Variants in TMEM263 observed in about 807,000 individuals in gnomAD.
TMEM263 encodes the protein UPF0444 transmembrane protein C12orf23.
A neutral mutation model predicts 8.6 loss-of-function variants in TMEM263; 5 were observed. That is an observed-to-expected ratio of 0.58 (90% CI 0.31 to 1.23). TMEM263 has a LOEUF of 1.23. TMEM263 is among the 50% of genes most tolerant of loss of function. TMEM263 has a pLI of 0.07. For missense variants in TMEM263, 104 were observed against 138.8 expected, an observed-to-expected ratio of 0.75 and a Z score of 1.26; for synonymous variants, 50 against 47.9, an observed-to-expected ratio of 1.04 and a Z score of -0.18.
chr12:106,962,817 T>C (rs548839857), intron 2 of TMEM263, among the ~76,000 whole-genome samples: 3 of 152,244 alleles, frequency 2.0e-5, no homozygotes, highest in African/African-American at 7.2e-5. Context: ...TGACATTAGA[T>C]TCTCCCTTTC....
chr12:106,960,579 C>T (rs898230889), intron 2 of TMEM263, among the ~76,000 whole-genome samples: 22 of 152,084 alleles, frequency 1.4e-4, no homozygotes, highest in African/African-American at 4.1e-4. Context: ...TACAGAAATA[C>T]TCCTAATTTT....
At chr12:106,966,717 A>G (rs1454133773) in intron 2 of TMEM263, among the ~76,000 whole-genome samples, 2 of 152,084 alleles carry the variant, frequency 1.3e-5, no homozygotes, top group East Asian at 1.9e-4. Flanking sequence ...CTTTAAGTCT[A>G]TTGTGAAATA....
Position 106,973,965 on chromosome 12 carries a change from A to G in TMEM263, c.*2574A>G, listed in dbSNP as rs1380532119. 6.6e-6 allele frequency: 1 copy of G among 152,526 alleles called. No homozygotes were observed. Among genetic ancestry groups the G allele is most frequent in the Non-Finnish European group, 1.5e-5 (1 of 68,046 alleles). 9.4% of individuals were successfully genotyped at this position (152,526 alleles called of 1,614,324 possible). A position where few individuals can be genotyped will look rare whatever the true frequency, so the allele number is the denominator to read the frequency against. On this transcript the variant is annotated 3_prime_UTR_variant, in exon 4 of 4. Coordinates refer to ENST00000280756, the MANE Select transcript of TMEM263 (RefSeq NM_152261.4). ...GAAAAGAACACATGAATTTGTTAATAAAGCACTATGATCTGCAAACGATGG... is the reference window on the plus strand; with the variant it reads ...GAAAAGAACACATGAATTTGTTAATGAAGCACTATGATCTGCAAACGATGG...
chr12:106,959,036 T>C (rs1951735279), intron 2 of TMEM263, among the ~76,000 whole-genome samples: 1 of 152,240 alleles, frequency 6.6e-6, no homozygotes, highest in African/African-American at 2.4e-5. Context: ...AAAAGTCTAT[T>C]CCCACTGGAT....
At chr12:106,969,584 G>A (rs1207122900) in intron 3 of TMEM263, among the ~76,000 whole-genome samples, 1 of 151,884 alleles carries the variant, frequency 6.6e-6, no homozygotes, top group Non-Finnish European at 1.5e-5. Context: ...AAATTAGCCG[G>A]GTGTGGTGGT....
Position 106,957,223 on chromosome 12 carries a change from C to T in TMEM263, c.-7+74C>T, listed in dbSNP as rs907058708. 17 of 907,304 alleles carry T rather than the reference C, an allele frequency of 1.9e-5. No individual in the cohort carries two copies. The African/African-American group carries it at 2.8e-4, about 15-fold the overall frequency. The allele number at this position is 907,304 out of a possible 1,614,324, so 56.2% of individuals were successfully genotyped here. A position where few individuals can be genotyped will look rare whatever the true frequency, so the allele number is the denominator to read the frequency against. Reference sequence around the variant, plus strand: ...GTGTGTGTGTGTGTATGTGTGTGCGCGCTCGCGCCCATGCTTAACTTTTTA... The same window carrying T: ...GTGTGTGTGTGTGTATGTGTGTGCGTGCTCGCGCCCATGCTTAACTTTTTA... On this transcript the variant is annotated intron_variant, in intron 2 of 3. Coordinates refer to ENST00000280756, the MANE Select transcript of TMEM263 (RefSeq NM_152261.4).
At chr12:106,958,893 G>A (rs1417157012) in intron 2 of TMEM263, among the ~76,000 whole-genome samples, 2 of 151,992 alleles carry the variant, frequency 1.3e-5, no homozygotes, top group African/African-American at 4.8e-5. Context: ...TTACAGGCAT[G>A]AGCCAACATG....
chr12:106,963,111 G>A lies in TMEM263; in HGVS notation c.-6-4000G>A, dbSNP rs190740314. Among the ~76,000 whole-genome samples the A allele has an allele frequency of 3.4e-4, 52 of 152,306 alleles. 1 individual carries two copies. The highest frequency in any genetic ancestry group is 3.4e-3 in the Middle Eastern group (1 of 294). ...GTACATATACTGGGGAAAAGGCTTC[G>A]AGGAAAGGATAAACAAGGAACTCTG... is the stretch of plus-strand genomic sequence containing the variant. On this transcript the variant is annotated intron_variant, in intron 2 of 3. Coordinates refer to ENST00000280756, the MANE Select transcript of TMEM263 (RefSeq NM_152261.4).
At chr12:106,958,862 C>T (rs1593461888) in intron 2 of TMEM263, among the ~76,000 whole-genome samples, 1 of 152,208 alleles carries the variant, frequency 6.6e-6, no homozygotes, top group East Asian at 1.9e-4. Flanking sequence ...CCTCCTGCCT[C>T]GACCTTTCAA....
chr12:106,970,784 A>T (rs1951909320), intron 3 of TMEM263, among the ~76,000 whole-genome samples: 1 of 152,190 alleles, frequency 6.6e-6, no homozygotes, highest in African/African-American at 2.4e-5. Flanking sequence ...TCCTTTTAGG[A>T]TGTAAAATAA....
At chr12:106,960,535 A>T (rs923747901) in intron 2 of TMEM263, among the ~76,000 whole-genome samples, 4 of 152,170 alleles carry the variant, frequency 2.6e-5, no homozygotes, top group Non-Finnish European at 4.4e-5. Flanking sequence ...ATTTCTATAT[A>T]ATAATATCTA....
At chr12:106,962,885 G>T (rs74579785) in intron 2 of TMEM263, among the ~76,000 whole-genome samples, 2 of 152,204 alleles carry the variant, frequency 1.3e-5, no homozygotes, top group African/African-American at 4.8e-5. Flanking sequence ...TGTCAACCAT[G>T]CATCATTGAT....
At chr12:106,959,416 T>A (rs1951740113) in intron 2 of TMEM263, 1 of 152,130 alleles carries the variant, frequency 6.6e-6, no homozygotes, top group Non-Finnish European at 1.5e-5. Context: ...CTGATTTTTC[T>A]ATTTTTAGTA....
At chr12:106,966,687 T>C (rs1418014702) in intron 2 of TMEM263, among the ~76,000 whole-genome samples, 1 of 150,822 alleles carries the variant, frequency 6.6e-6, no homozygotes, top group African/African-American at 2.5e-5. Context: ...ACACCTTTTT[T>C]AGTTCTGGTA....
At chr12:106,957,689 T>C (rs1951719311) in intron 2 of TMEM263, among the ~76,000 whole-genome samples, 1 of 152,228 alleles carries the variant, frequency 6.6e-6, no homozygotes, top group African/African-American at 2.4e-5. Context: ...TTCTCTGGTT[T>C]AATAGAGTAT....
chr12:106,971,719 C>A lies in TMEM263; in HGVS notation c.*328C>A. On this transcript the variant is annotated 3_prime_UTR_variant, in exon 4 of 4. Coordinates refer to ENST00000280756, the MANE Select transcript of TMEM263 (RefSeq NM_152261.4). ...AGTTGAATTTAGTAGATGATCTTCA[C>A]AGTTCCATATGTATAATGTGCCAGG... The A allele has an allele frequency of 4.7e-6, 1 of 211,688 alleles. No homozygotes were observed. Among genetic ancestry groups the A allele is most frequent in the Non-Finnish European group, 9.4e-6 (1 of 106,266 alleles). The allele number at this position is 211,688 out of a possible 1,614,324, so 13.1% of individuals were successfully genotyped here.
intron 2 of TMEM263, among the ~76,000 whole-genome samples, chr12:106,958,067 T>G (rs952204466): frequency 9.9e-5 from 15 of 152,194 alleles, no homozygotes; most frequent in Non-Finnish European, 1.9e-4. Flanking sequence ...GTGGTAAAGT[T>G]CTTTTAGGTA....
intron 2 of TMEM263, 49 bp downstream of exon 2, chr12:106,957,198 G>GTGTGTGTGTA (rs1951709442): frequency 1.1e-6 from 1 of 875,908 alleles, no homozygotes; most frequent in Non-Finnish European, 1.3e-6. Flanking sequence ...GTGTGTGTGT[G>GTGTGTGTGTA]TGTGTGTGTG....
At position 106,971,920 on chromosome 12, in the gene TMEM263, A is replaced by C. The variant is rs1333284314; in HGVS notation, c.*529A>C. 2 of 152,760 alleles carry C rather than the reference A, an allele frequency of 1.3e-5. No homozygotes were observed. The highest frequency in any genetic ancestry group is 4.8e-5 in the African/African-American group (2 of 41,464). 9.5% of individuals were successfully genotyped at this position (152,760 alleles called of 1,614,324 possible). On this transcript the variant is annotated 3_prime_UTR_variant, in exon 4 of 4. Coordinates refer to ENST00000280756, the MANE Select transcript of TMEM263 (RefSeq NM_152261.4). ...GAATTAGAGAAGTTTAAAAAGATAA[A>C]TGGTTTTATGATAATGTTAACCATC...
Sources: gnomAD v4.1 joint callset for allele counts (sites outside exome capture counted in the v4.1 genomes callset) on GRCh38, gnomAD v4.1.1 for gene constraint, MANE v1.5 for transcripts, NCBI Gene and HGNC (gene_info 2026-07-23, HGNC 2026-07-21) for gene names.